Variants in PTPRK observed in about 807,000 individuals in gnomAD.
PTPRK encodes receptor-type tyrosine-protein phosphatase kappa.
Under a neutral mutation model 178.0 loss-of-function variants are expected in PTPRK, and 75 were observed. That is an observed-to-expected ratio of 0.42 (90% CI 0.35 to 0.51). The LOEUF (loss-of-function observed/expected upper bound fraction) is 0.51. Among genes scored for constraint, PTPRK ranks in the 20% least tolerant of loss-of-function variants. The pLI is 0.02. For synonymous variants in PTPRK, 637 were observed against 620.6 expected (o/e 1.03, Z -0.39); for missense variants, 1,441 against 1,797.8 (o/e 0.80, Z 3.59).
intron 7 of PTPRK, among the ~76,000 whole-genome samples, chr6:128,178,669 A>G (rs1449902690): frequency 1.9e-4 from 28 of 151,194 alleles, no homozygotes; most frequent in Non-Finnish European, 3.7e-4. Context: ...CTATCTATCT[A>G]TCTATCTATC....
chr6:128,354,446 AGGAT>A (rs1470127657), intron 2 of PTPRK, among the ~76,000 whole-genome samples: 1 of 151,878 alleles, frequency 6.6e-6, no homozygotes, highest in Admixed American at 6.6e-5. Flanking sequence ...CGTGTTAGCC[AGGAT>A]GGTCTCAATC....
At chr6:128,130,452 C>G (rs1233795781) in intron 7 of PTPRK, among the ~76,000 whole-genome samples, 2 of 152,106 alleles carry the variant, frequency 1.3e-5, no homozygotes, top group African/African-American at 4.8e-5. Context: ...ATCTAGAAGC[C>G]TTGCTCACCT....
At chr6:127,976,560 T>C in intron 27 of PTPRK, 97 bp downstream of exon 27, 1 of 1,418,012 alleles carries the variant, frequency 7.1e-7, no homozygotes, top group East Asian at 2.3e-5. Context: ...TAGTGCTTAT[T>C]AATTGTAGTC....
chr6:128,323,185 T>C (rs1363306979), intron 2 of PTPRK, among the ~76,000 whole-genome samples: 3 of 152,086 alleles, frequency 2.0e-5, no homozygotes, highest in African/African-American at 7.2e-5. Context: ...ATATAGACTT[T>C]CCATTGCAGA....
At chr6:128,081,040 T>C (rs770048853) in intron 10 of PTPRK, among the ~76,000 whole-genome samples, 2 of 152,140 alleles carry the variant, frequency 1.3e-5, no homozygotes, top group Admixed American at 6.6e-5. Flanking sequence ...CAAACATTTA[T>C]GGCTCTCAAA....
chr6:128,039,228 T>C (rs535652093), intron 13 of PTPRK, among the ~76,000 whole-genome samples: 18 of 152,288 alleles, frequency 1.2e-4, no homozygotes, highest in Non-Finnish European at 2.1e-4. Context: ...GGATTAAACA[T>C]ATACTCATGC....
At chr6:128,085,952 AG>A (rs1785729614) in intron 8 of PTPRK, among the ~76,000 whole-genome samples, 1 of 152,220 alleles carries the variant, frequency 6.6e-6, no homozygotes, top group Non-Finnish European at 1.5e-5. Context: ...CTACATTTGA[AG>A]GAAGATCATG....
chr6:128,196,912 A>G (rs1804952176), intron 6 of PTPRK, among the ~76,000 whole-genome samples: 1 of 152,152 alleles, frequency 6.6e-6, no homozygotes, highest in Non-Finnish European at 1.5e-5. Flanking sequence ...TAAGACATAA[A>G]ATGGCACTAA....
intron 3 of PTPRK, among the ~76,000 whole-genome samples, chr6:128,302,673 G>A (rs1322278455): frequency 6.6e-6 from 1 of 150,970 alleles, no homozygotes; most frequent in Non-Finnish European, 1.5e-5. Flanking sequence ...GTTATATGTT[G>A]CTTCTCTGGC....
intron 7 of PTPRK, among the ~76,000 whole-genome samples, chr6:128,112,744 G>A (rs1790875653): frequency 6.6e-6 from 1 of 152,028 alleles, no homozygotes; most frequent in Admixed American, 6.6e-5. Context: ...AATTCACTAA[G>A]CTTTCCGAAC....
At chr6:128,197,384 CA>C (rs1203812825) in intron 6 of PTPRK, among the ~76,000 whole-genome samples, 1 of 151,642 alleles carries the variant, frequency 6.6e-6, no homozygotes, top group Non-Finnish European at 1.5e-5. Context: ...TGACATTGAA[CA>C]AATGTCAAGA....
intron 13 of PTPRK, among the ~76,000 whole-genome samples, chr6:128,017,802 G>GTGTGTATATATATATA (rs1287001811): frequency 3.0e-5 from 3 of 101,258 alleles, no homozygotes; most frequent in Non-Finnish European, 5.9e-5. Flanking sequence ...ATATATATGT[G>GTGTGTATATATATATA]TATATATATA....
intron 6 of PTPRK, among the ~76,000 whole-genome samples, chr6:128,203,041 C>T (rs1290216504): frequency 6.6e-6 from 1 of 152,146 alleles, no homozygotes; most frequent in Non-Finnish European, 1.5e-5. Flanking sequence ...AGCAGCATAT[C>T]AAAAAGCTTA....
rs185213210 is a variant in PTPRK, at chr6:128,259,103, C to A, written c.496-16501G>T. Among the ~76,000 whole-genome samples the A allele has an allele frequency of 3.5e-3, 530 of 152,058 alleles. 2 individuals are homozygous for A. Among genetic ancestry groups the A allele is most frequent in the African/African-American group, 0.012 (503 of 41,462 alleles). ...GGAGGTCCATGTTTGAGGAGGGAGA[C>A]AGGGAAAGCATGGATTTTTAGCAGT... On this transcript the variant is annotated intron_variant, in intron 3 of 29. Transcript: ENST00000368226.
At chr6:128,282,964 A>C (rs2128303316) in intron 3 of PTPRK, among the ~76,000 whole-genome samples, 1 of 152,336 alleles carries the variant, frequency 6.6e-6, no homozygotes, top group South Asian at 2.1e-4. Flanking sequence ...AATAAGTATA[A>C]AAAATATGAA....
intron 2 of PTPRK, among the ~76,000 whole-genome samples, chr6:128,375,022 G>A (rs1158603046): frequency 6.7e-6 from 1 of 150,050 alleles, no homozygotes; most frequent in African/African-American, 2.4e-5. Context: ...ACATCTTTTA[G>A]GTCTTTAATT....
At chr6:128,049,197 G>A (rs1331738707) in intron 13 of PTPRK, among the ~76,000 whole-genome samples, 1 of 152,084 alleles carries the variant, frequency 6.6e-6, no homozygotes, top group African/African-American at 2.4e-5. Context: ...TTAAGAAATA[G>A]ATTTGACTAA....
intron 7 of PTPRK, among the ~76,000 whole-genome samples, chr6:128,143,494 G>A (rs1796070362): frequency 1.3e-5 from 2 of 152,072 alleles, no homozygotes; most frequent in African/African-American, 4.8e-5. Context: ...CTTTCTATTA[G>A]TGTTTTAGAA....
intron 1 of PTPRK, among the ~76,000 whole-genome samples, chr6:128,481,415 T>G (rs2128424054): frequency 6.6e-6 from 1 of 152,254 alleles, no homozygotes; most frequent in South Asian, 2.1e-4. Flanking sequence ...CTTGCAAAAC[T>G]CCCCAATAGA....
Sources: gnomAD v4.1 joint callset for allele counts (sites outside exome capture counted in the v4.1 genomes callset) on GRCh38, gnomAD v4.1.1 for gene constraint, MANE v1.5 for transcripts, NCBI Gene and HGNC (gene_info 2026-07-23, HGNC 2026-07-21) for gene names.